The following CUX1 variants were observed in gnomAD, a reference collection of about 807,000 sequenced individuals.
CUX1 encodes protein CASP.
CUX1 carries 31 observed loss-of-function variants against 158.8 expected under a neutral mutation model. The ratio of observed to expected loss-of-function variants is 0.20; its 90% CI spans 0.15 to 0.26. The LOEUF (loss-of-function observed/expected upper bound fraction) is 0.26. Ranked by LOEUF, CUX1 falls within the 10% of genes least tolerant of loss-of-function variation. The pLI, the probability that CUX1 is intolerant of heterozygous loss-of-function variation, is 1.00. For missense variants in CUX1, 1,589 were observed against 2,014.6 expected (o/e 0.79, Z 4.04); for synonymous variants, 879 against 862.1 (o/e 1.02, Z -0.34).
Position 102,255,179 on chromosome 7 carries a change from G to A in CUX1, c.*6137G>A, listed in dbSNP as rs566755965. 19 of 985,290 alleles carry A rather than the reference G, an allele frequency of 1.9e-5. No individual in the cohort carries two copies. The highest frequency in any genetic ancestry group is 6.1e-5 in the Admixed American group (1 of 16,262). The allele number at this position is 985,290 out of a possible 1,614,324, so 61.0% of individuals were successfully genotyped here. On this transcript the variant is annotated 3_prime_UTR_variant, in exon 24 of 24. Transcript: ENST00000292535. ...AAATGCAATTTCCGCCTGTCTGCCC[G>A]ACTTCCAAAAACTGCCTCCTCCTGC...
rs1052601037 is a variant in CUX1, at chr7:101,857,056, G to A, written c.30+39387G>A. Among the ~76,000 whole-genome samples, 2 of 152,210 alleles carry A rather than the reference G, an allele frequency of 1.3e-5. 1 individual carries two copies. On this transcript the variant is annotated intron_variant, in intron 1 of 23. Transcript: ENST00000292535. ...GTTTCTGTTAGGACGAGGCCCTTCA[G>A]ATCCTCTCCAGCAGGTGGACTCTGT...
chr7:101,845,036 G>A (rs1247391605), intron 1 of CUX1, among the ~76,000 whole-genome samples: 1 of 151,788 alleles, frequency 6.6e-6, no homozygotes, highest in African/African-American at 2.4e-5. Flanking sequence ...TTTTATTCTA[G>A]GGAGTTCTCA....
chr7:101,915,659 G>A (rs142010767), intron 1 of CUX1, among the ~76,000 whole-genome samples: 26 of 152,276 alleles, frequency 1.7e-4, no homozygotes, highest in Non-Finnish European at 7.4e-5. Context: ...ACGGCCACAC[G>A]GAATGCCCCG....
At chr7:102,208,114 GGAGGTC>G (rs1208378200) in intron 20 of CUX1, among the ~76,000 whole-genome samples, 2 of 152,124 alleles carry the variant, frequency 1.3e-5, no homozygotes, top group African/African-American at 4.8e-5. Context: ...CTTGAGCCCA[GGAGGTC>G]GAGGCTGCAG....
chr7:101,983,868 G>A (rs1175985725), intron 2 of CUX1, among the ~76,000 whole-genome samples: 1 of 151,748 alleles, frequency 6.6e-6, no homozygotes, highest in Non-Finnish European at 1.5e-5. Context: ...ATTTCAACAT[G>A]AAATTTGGAG....
intron 1 of CUX1, among the ~76,000 whole-genome samples, chr7:101,910,506 C>T (rs974170849): frequency 1.4e-4 from 22 of 151,992 alleles, no homozygotes; most frequent in Admixed American, 1.2e-3. Flanking sequence ...CCTGTAATTC[C>T]GCACTTTGGC....
intron 20 of CUX1, among the ~76,000 whole-genome samples, chr7:102,220,219 G>T (rs541218288): frequency 3.9e-5 from 6 of 152,204 alleles, no homozygotes; most frequent in African/African-American, 1.2e-4. Flanking sequence ...AAATTAGCTG[G>T]GCCTGGTGGC....
chr7:102,245,972 C>CAAAAAAA (rs61702654), intron 23 of CUX1, among the ~76,000 whole-genome samples: 1 of 113,660 alleles, frequency 8.8e-6, no homozygotes, highest in Non-Finnish European at 1.9e-5. Context: ...ACTCCCTTCT[C>CAAAAAAA]AAAAAAAAAA....
At chr7:102,212,989 T>C (rs1029044308) in intron 20 of CUX1, among the ~76,000 whole-genome samples, 1 of 152,152 alleles carries the variant, frequency 6.6e-6, no homozygotes, top group African/African-American at 2.4e-5. Flanking sequence ...GGATCACAGG[T>C]GTGCACCACC....
At chr7:101,990,613 G>A (rs1351121197) in intron 2 of CUX1, among the ~76,000 whole-genome samples, 1 of 152,006 alleles carries the variant, frequency 6.6e-6, no homozygotes, top group Non-Finnish European at 1.5e-5. Context: ...CTGACTTCAA[G>A]TGACGCTCCC....
At chr7:101,901,229 A>G (rs1197846823) in intron 1 of CUX1, among the ~76,000 whole-genome samples, 1 of 152,104 alleles carries the variant, frequency 6.6e-6, no homozygotes, top group Non-Finnish European at 1.5e-5. Context: ...AAACAGGGCT[A>G]TACAAAAAAT....
intron 3 of CUX1, among the ~76,000 whole-genome samples, chr7:102,061,939 C>G (rs1045031298): frequency 2.6e-5 from 4 of 152,134 alleles, no homozygotes; most frequent in African/African-American, 9.7e-5. Context: ...AAACAAACTG[C>G]TACAAATCTC....
chr7:102,038,698 A>C (rs1418820533), intron 3 of CUX1, among the ~76,000 whole-genome samples: 1 of 152,172 alleles, frequency 6.6e-6, no homozygotes, highest in East Asian at 1.9e-4. Context: ...CATGCCTGTC[A>C]TCCTAGTACT....
intron 11 of CUX1, among the ~76,000 whole-genome samples, chr7:102,183,667 C>A (rs1384783355): frequency 6.6e-6 from 1 of 152,160 alleles, no homozygotes; most frequent in Admixed American, 6.5e-5. Context: ...AGACCCCTGC[C>A]CTGGGCCAGG....
intron 10 of CUX1, among the ~76,000 whole-genome samples, chr7:102,176,315 G>C (rs1792324830): frequency 6.6e-6 from 1 of 152,118 alleles, no homozygotes; most frequent in South Asian, 2.1e-4. Flanking sequence ...CCTGCCAGCT[G>C]GGGCCACGGT....
In CUX1 at chr7:102,111,716, G is replaced by A; in HGVS notation, c.549G>A (p.Gln183=). Residue 183 remains glutamine, a synonymous_variant, in exon 7 of 24, where the codon CAG becomes CAA. Transcript: ENST00000292535. ...AEKERKLQET[Q]MSTTSKLEEA... is the part of the protein sequence containing the mutation. Reference sequence around the variant, plus strand: ...TTTGCAGAAAGCTGCAGGAGACACAGATGTCCACCACCTCAAAGCTGGAGG... The same window carrying A: ...TTTGCAGAAAGCTGCAGGAGACACAAATGTCCACCACCTCAAAGCTGGAGG... 1 of 1,614,226 alleles carries A rather than the reference G, an allele frequency of 6.2e-7. No homozygotes were observed. The highest frequency in any genetic ancestry group is 8.5e-7 in the Non-Finnish European group (1 of 1,180,032).
At chr7:102,045,472 A>G (rs1822648112) in intron 3 of CUX1, among the ~76,000 whole-genome samples, 1 of 152,240 alleles carries the variant, frequency 6.6e-6, no homozygotes. Context: ...GAGCGCAGCC[A>G]AGCACTCCAG....
intron 2 of CUX1, among the ~76,000 whole-genome samples, chr7:102,014,476 A>C (rs1394861236): frequency 2.0e-5 from 3 of 152,178 alleles, no homozygotes; most frequent in Non-Finnish European, 2.9e-5. Flanking sequence ...CCTGCTGGAT[A>C]AAACTGGATG....
At chr7:102,060,600 CACAAATAA>C (rs1411749163) in intron 3 of CUX1, among the ~76,000 whole-genome samples, 39 of 66,722 alleles carry the variant, frequency 5.8e-4, no homozygotes, top group African/African-American at 1.8e-3. Flanking sequence ...TATACACACA[CACAAATAA>C]ACACACACAC....
Sources: gnomAD v4.1 joint callset for allele counts (sites outside exome capture counted in the v4.1 genomes callset) on GRCh38, gnomAD v4.1.1 for gene constraint, MANE v1.5 for transcripts, NCBI Gene and HGNC (gene_info 2026-07-23, HGNC 2026-07-21) for gene names.